Variants in HDAC9 observed in about 807,000 individuals in gnomAD.
HDAC9 encodes histone deacetylase 9, also known as MEF-2 interacting transcription repressor (MITR) protein.
HDAC9 carries 41 observed loss-of-function variants against 139.4 expected under a neutral mutation model. That is an observed-to-expected ratio of 0.29 (90% CI 0.23 to 0.38). The LOEUF (loss-of-function observed/expected upper bound fraction) is 0.38, where lower values mean the gene tolerates loss of function less well. Ranked by LOEUF, HDAC9 falls within the 10% of genes least tolerant of loss-of-function variation. The probability of loss-of-function intolerance (pLI) is 1.00; values close to 1 mark genes in which losing one functional copy is unlikely to be tolerated. For synonymous variants in HDAC9, 517 were observed against 476.2 expected, an observed-to-expected ratio of 1.09 and a Z score of -1.12; for missense variants, 1,147 against 1,297.0, an observed-to-expected ratio of 0.88 and a Z score of 1.78.
At position 18,712,150 on chromosome 7, in the gene HDAC9, C is replaced by T. The variant is rs145073730; in HGVS notation, c.1732-15430C>T. 6.0e-4 allele frequency among the ~76,000 whole-genome samples: 92 copies of T among 152,146 alleles called. 3 individuals carry two copies. In the East Asian group the frequency reaches 0.016, roughly 27 times the overall value. ...AATAAATAGGGGTACTTTAAGTCTT[C>T]CTTAAATTTAAATATAATCACATTT... On this transcript the variant is annotated intron_variant, in intron 12 of 25. Coordinates refer to ENST00000686413, the MANE Select transcript of HDAC9 (RefSeq NM_178425.4).
At chr7:18,835,431 T>A (rs1245898556) in intron 19 of HDAC9, 36 bp from the exon 20 acceptor site, 1 of 1,595,058 alleles carries the variant, frequency 6.3e-7, no homozygotes, top group East Asian at 2.2e-5. Flanking sequence ...AAGTTAGACA[T>A]GACTGTATTT....
intron 23 of HDAC9, among the ~76,000 whole-genome samples, chr7:18,942,967 A>C (rs1782123170): frequency 6.6e-6 from 1 of 152,074 alleles, no homozygotes; most frequent in South Asian, 2.1e-4. Flanking sequence ...GAAAATATTG[A>C]AAAATATAAA....
At chr7:18,275,585 G>T (rs1339717022) in intron 2 of HDAC9, among the ~76,000 whole-genome samples, 1 of 152,038 alleles carries the variant, frequency 6.6e-6, no homozygotes, top group Non-Finnish European at 1.5e-5. Flanking sequence ...TCTCCCCTTC[G>T]TTGAATTGCT....
chr7:18,554,614 C>T (rs1583328609), intron 2 of HDAC9, among the ~76,000 whole-genome samples: 1 of 152,274 alleles, frequency 6.6e-6, no homozygotes, highest in Non-Finnish European at 1.5e-5. Context: ...GGATTACAGG[C>T]GTGAGCCACC....
intron 2 of HDAC9, among the ~76,000 whole-genome samples, chr7:18,182,950 C>G: frequency 6.6e-6 from 1 of 151,896 alleles, no homozygotes; most frequent in Non-Finnish European, 1.5e-5. Flanking sequence ...GACTAAATGT[C>G]ACTGAAGCTT....
chr7:18,936,337 G>A (rs144107926), intron 23 of HDAC9, among the ~76,000 whole-genome samples: 1 of 152,246 alleles, frequency 6.6e-6, no homozygotes, highest in African/African-American at 2.4e-5. Flanking sequence ...CACCATTTAA[G>A]AATTCTTTAT....
At chr7:18,653,173 G>A (rs1257113828) in intron 11 of HDAC9, among the ~76,000 whole-genome samples, 1 of 150,816 alleles carries the variant, frequency 6.6e-6, no homozygotes, top group East Asian at 1.9e-4. Flanking sequence ...AGGAGGCAGA[G>A]GTTGCAGTGA....
chr7:18,801,950 T>C (rs985174200), intron 17 of HDAC9, among the ~76,000 whole-genome samples: 3 of 151,930 alleles, frequency 2.0e-5, no homozygotes, highest in African/African-American at 2.4e-5. Context: ...TTATTTTTCC[T>C]CTTTTTCTTG....
chr7:18,617,933 GACTGTA>G (rs1839114988), intron 6 of HDAC9, among the ~76,000 whole-genome samples: 1 of 152,118 alleles, frequency 6.6e-6, no homozygotes, highest in South Asian at 2.1e-4. Flanking sequence ...GCTTCCGGAT[GACTGTA>G]ACTGGGTAAA....
intron 2 of HDAC9, among the ~76,000 whole-genome samples, chr7:18,168,897 T>G (rs1178352): frequency 0.15 from 14,626 of 94,964 alleles, 1,959 homozygotes; most frequent in African/African-American, 0.34. Flanking sequence ...TTTTTTTTTT[T>G]TGTGTGTGTG....
At chr7:18,366,541 A>G (rs1784193918) in intron 1 of HDAC9, among the ~76,000 whole-genome samples, 1 of 152,084 alleles carries the variant, frequency 6.6e-6, no homozygotes, top group Admixed American at 6.6e-5. Flanking sequence ...TGGCTGATGA[A>G]CTTTTATATG....
At chr7:18,381,084 C>T (rs1285019263) in intron 1 of HDAC9, among the ~76,000 whole-genome samples, 2 of 149,408 alleles carry the variant, frequency 1.3e-5, no homozygotes, top group African/African-American at 4.9e-5. Flanking sequence ...TATAGTCCTG[C>T]ACTACTGGGG....
intron 23 of HDAC9, among the ~76,000 whole-genome samples, chr7:18,946,459 A>G (rs1463926029): frequency 6.6e-6 from 1 of 152,168 alleles, no homozygotes; most frequent in Non-Finnish European, 1.5e-5. Flanking sequence ...GAATGAAGGA[A>G]ATGAAAAAAA....
intron 25 of HDAC9, among the ~76,000 whole-genome samples, chr7:18,988,555 G>C (rs1411777940): frequency 6.6e-6 from 1 of 152,058 alleles, no homozygotes; most frequent in Non-Finnish European, 1.5e-5. Flanking sequence ...TTGGGGTGGA[G>C]AGTTCTGTAG....
intron 24 of HDAC9, among the ~76,000 whole-genome samples, chr7:18,965,397 T>C (rs1783778766): frequency 6.6e-6 from 1 of 152,252 alleles, no homozygotes; most frequent in Admixed American, 6.5e-5. Flanking sequence ...ACGCTTGAGA[T>C]GTATGAAAGG....
At chr7:18,422,452 C>G (rs1488916221) in intron 1 of HDAC9, among the ~76,000 whole-genome samples, 1 of 152,112 alleles carries the variant, frequency 6.6e-6, no homozygotes, top group Non-Finnish European at 1.5e-5. Flanking sequence ...CGATCATAAA[C>G]AAATACTTAT....
At chr7:18,863,771 G>T (rs534462521) in intron 21 of HDAC9, among the ~76,000 whole-genome samples, 1 of 152,262 alleles carries the variant, frequency 6.6e-6, no homozygotes, top group South Asian at 2.1e-4. Flanking sequence ...GGTGGGGTAG[G>T]CGTGGGAAGG....
At chr7:18,424,634 C>A (rs977989801) in intron 1 of HDAC9, among the ~76,000 whole-genome samples, 5 of 152,142 alleles carry the variant, frequency 3.3e-5, no homozygotes, top group African/African-American at 9.7e-5. Flanking sequence ...ATAGGCTGGG[C>A]GCAGTGGCTC....
chr7:18,208,865 A>G (rs976237353), intron 2 of HDAC9, among the ~76,000 whole-genome samples: 13 of 152,222 alleles, frequency 8.5e-5, no homozygotes, highest in Non-Finnish European at 1.5e-4. Context: ...CATAAGTCTA[A>G]GAGTTTTGAA....
Sources: gnomAD v4.1 joint callset for allele counts (sites outside exome capture counted in the v4.1 genomes callset) on GRCh38, gnomAD v4.1.1 for gene constraint, MANE v1.5 for transcripts, NCBI Gene and HGNC (gene_info 2026-07-23, HGNC 2026-07-21) for gene names.